Variants in PPM1E observed in about 807,000 individuals in gnomAD.
PPM1E encodes the protein protein phosphatase 1E.
PPM1E carries 20 observed loss-of-function variants against 65.9 expected under a neutral mutation model. The ratio of observed to expected loss-of-function variants is 0.30; its 90% confidence interval spans 0.21 to 0.44. The LOEUF (loss-of-function observed/expected upper bound fraction) is 0.44. Among genes scored for constraint, PPM1E ranks in the 20% least tolerant of loss-of-function variants. The pLI is 1.00. For synonymous variants in PPM1E, 352 were observed against 374.9 expected, an observed-to-expected ratio of 0.94 and a Z score of 0.70; for missense variants, 713 against 953.1, an observed-to-expected ratio of 0.75 and a Z score of 3.32.
intron 1 of PPM1E, among the ~76,000 whole-genome samples, chr17:58,914,631 A>G (rs533022856): frequency 6.6e-6 from 1 of 152,316 alleles, no homozygotes; most frequent in Non-Finnish European, 1.5e-5. Context: ...CTAAAAAAGA[A>G]TATGGAGAAA....
chr17:58,904,618 T>C (rs1432735004), intron 1 of PPM1E, among the ~76,000 whole-genome samples: 1 of 152,182 alleles, frequency 6.6e-6, no homozygotes, highest in Non-Finnish European at 1.5e-5. Flanking sequence ...TTGACAATAT[T>C]GAGTCTCCCA....
At chr17:58,861,213 T>A (rs377419191) in intron 1 of PPM1E, among the ~76,000 whole-genome samples, 3 of 152,190 alleles carry the variant, frequency 2.0e-5, no homozygotes, top group East Asian at 3.9e-4. Context: ...TTCCTGTAAT[T>A]TATCAGCATT....
intron 1 of PPM1E, among the ~76,000 whole-genome samples, chr17:58,866,832 T>C (rs2051009611): frequency 6.6e-6 from 1 of 152,214 alleles, no homozygotes; most frequent in African/African-American, 2.4e-5. Context: ...GGGTGTTCAG[T>C]ACCTTTTTCT....
intron 1 of PPM1E, among the ~76,000 whole-genome samples, chr17:58,920,882 AC>A (rs893115599): frequency 1.3e-5 from 2 of 152,220 alleles, no homozygotes; most frequent in African/African-American, 4.8e-5. Flanking sequence ...CCTGGGCATT[AC>A]CATTTTTAGA....
intron 1 of PPM1E, among the ~76,000 whole-genome samples, chr17:58,850,030 G>A (rs544721514): frequency 6.6e-6 from 1 of 152,192 alleles, no homozygotes; most frequent in Non-Finnish European, 1.5e-5. Flanking sequence ...TTACCATTAT[G>A]TAATGGCCTT....
chr17:58,984,087 A>G lies in PPM1E; in HGVS notation c.*3056A>G, dbSNP rs2143886028. 6.5e-6 allele frequency: 1 copy of G among 152,744 alleles called. No individual in the cohort carries two copies. The highest frequency in any genetic ancestry group is 2.4e-5 in the African/African-American group (1 of 41,554). 9.5% of individuals were successfully genotyped at this position (152,744 alleles called of 1,614,324 possible). A position where few individuals can be genotyped will look rare whatever the true frequency, so the allele number is the denominator to read the frequency against. On this transcript the variant is annotated 3_prime_UTR_variant, in exon 7 of 7. Transcript: ENST00000308249. ...AGGATGGGTAGAAACACATATGTATATACCTTTTCTTTACCTAGAAGTGCC... is the reference window on the plus strand; with the variant it reads ...AGGATGGGTAGAAACACATATGTATGTACCTTTTCTTTACCTAGAAGTGCC...
intron 4 of PPM1E, 51 bp downstream of exon 4, chr17:58,969,778 A>G (rs1329650004): frequency 2.5e-6 from 4 of 1,570,930 alleles, no homozygotes; most frequent in Non-Finnish European, 3.5e-6. Context: ...GCTGAGCTCA[A>G]TTTGGTCTGT....
At chr17:58,782,506 A>T (rs1360067660) in intron 1 of PPM1E, among the ~76,000 whole-genome samples, 1 of 148,904 alleles carries the variant, frequency 6.7e-6, no homozygotes, top group African/African-American at 2.5e-5. Flanking sequence ...GGTTCAAGTG[A>T]TTTTCCTGCC....
chr17:58,955,019 C>A (rs1308368202), intron 1 of PPM1E, among the ~76,000 whole-genome samples: 1 of 151,946 alleles, frequency 6.6e-6, no homozygotes. Flanking sequence ...TATCTAAGTT[C>A]ATACCCCTCT....
intron 1 of PPM1E, among the ~76,000 whole-genome samples, chr17:58,799,401 C>T (rs1467133163): frequency 6.6e-6 from 1 of 150,874 alleles, no homozygotes; most frequent in African/African-American, 2.4e-5. Context: ...CACCTCGGTC[C>T]CCCCTGAGCA....
At chr17:58,813,671 A>G (rs1378603861) in intron 1 of PPM1E, among the ~76,000 whole-genome samples, 1 of 152,258 alleles carries the variant, frequency 6.6e-6, no homozygotes, top group Admixed American at 6.5e-5. Flanking sequence ...GATAAAACTG[A>G]TGAAATATTT....
In PPM1E at chr17:58,980,550, C is replaced by T. The variant is rs1844548925; in HGVS notation, c.1787C>T (p.Ala596Val). The T allele has an allele frequency of 6.2e-7, 1 of 1,613,982 alleles. No homozygotes were observed. Among genetic ancestry groups the T allele is most frequent in the Non-Finnish European group, 8.5e-7 (1 of 1,180,012 alleles). The change falls in exon 7 of 7, where the codon GCA (alanine) becomes GTA (valine). Residue 596 changes from alanine to valine, a missense_variant. Around this residue, in one of 6 missense-constraint regions of PPM1E, gnomAD observed 286 missense variants for 313.8 expected, o/e 0.91. Coordinates refer to ENST00000308249, the MANE Select transcript of PPM1E (RefSeq NM_014906.5). This position sits in a 1 kb window ranked among gnomAD's most constrained non-coding sequence, Gnocchi z 4.7. Reference sequence around the variant, plus strand: ...CCAGTTGAGATGTTTGGTCCTGGTGCACCAAAGAAAGCAAATCTTATTAAT... The same window carrying T: ...CCAGTTGAGATGTTTGGTCCTGGTGTACCAAAGAAAGCAAATCTTATTAAT... ...LLPVEMFGPG[A>V]PKKANLINEL...
intron 1 of PPM1E, among the ~76,000 whole-genome samples, chr17:58,874,021 G>A (rs1414444500): frequency 6.6e-6 from 1 of 152,148 alleles, no homozygotes; most frequent in African/African-American, 2.4e-5. Context: ...AGCCAACATC[G>A]CTTTCGTTGG....
In PPM1E at chr17:58,983,075, C is replaced by G. The variant is rs2031462507; in HGVS notation, c.*2044C>G. 5 of 642,668 alleles carry G rather than the reference C, an allele frequency of 7.8e-6. No individual in the cohort carries two copies. Among genetic ancestry groups the G allele is most frequent in the Non-Finnish European group, 1.3e-5 (5 of 387,450 alleles). 39.8% of individuals were successfully genotyped at this position (642,668 alleles called of 1,614,324 possible). ...TAAAGAGGGTAAAGGGAAAAAGTTACTACACATGCTAGGCTTTCTCAGTGG... is the reference window on the plus strand; with the variant it reads ...TAAAGAGGGTAAAGGGAAAAAGTTAGTACACATGCTAGGCTTTCTCAGTGG... On this transcript the variant is annotated 3_prime_UTR_variant, in exon 7 of 7. Coordinates refer to ENST00000308249, the MANE Select transcript of PPM1E (RefSeq NM_014906.5).
chr17:58,905,133 A>G (rs2051543486), intron 1 of PPM1E, among the ~76,000 whole-genome samples: 1 of 152,188 alleles, frequency 6.6e-6, no homozygotes, highest in African/African-American at 2.4e-5. Context: ...TTTTCTACAT[A>G]GTTATGTTAG....
At chr17:58,789,104 A>G (rs2050131327) in intron 1 of PPM1E, among the ~76,000 whole-genome samples, 1 of 152,220 alleles carries the variant, frequency 6.6e-6, no homozygotes, top group Non-Finnish European at 1.5e-5. Context: ...GGACTGAAAG[A>G]TTGACTAATA....
At chr17:58,784,576 G>A (rs1338213271) in intron 1 of PPM1E, among the ~76,000 whole-genome samples, 1 of 150,332 alleles carries the variant, frequency 6.7e-6, no homozygotes, top group Non-Finnish European at 1.5e-5. Context: ...CCAGGCTGGA[G>A]TGCAGTGGCA....
chr17:58,833,551 A>G (rs2050625340), intron 1 of PPM1E, among the ~76,000 whole-genome samples: 2 of 151,786 alleles, frequency 1.3e-5, no homozygotes, highest in African/African-American at 4.8e-5. Context: ...GCTGCAAAGG[A>G]CATGATTTTG....
At chr17:58,776,780 A>T in intron 1 of PPM1E, among the ~76,000 whole-genome samples, 1 of 152,210 alleles carries the variant, frequency 6.6e-6, no homozygotes, top group East Asian at 1.9e-4. Flanking sequence ...TAACTTGCCT[A>T]AGTGGTTTAA....
Sources: gnomAD v4.1 joint callset for allele counts (sites outside exome capture counted in the v4.1 genomes callset) on GRCh38, gnomAD v4.1.1 for gene constraint, gnomAD v4.1.1 regional missense constraint, Gnocchi (gnomAD v3.1) non-coding constraint, MANE v1.5 for transcripts, NCBI Gene and HGNC (gene_info 2026-07-23, HGNC 2026-07-21) for gene names.